The following PPP2R3A variants were observed in gnomAD, a reference collection of about 807,000 sequenced individuals.
PPP2R3A encodes the protein protein phosphatase 2 regulatory subunit B''alpha.
A neutral mutation model predicts 106.9 loss-of-function variants in PPP2R3A; 80 were observed. The ratio of observed to expected loss-of-function variants is 0.75; its 90% CI spans 0.62 to 0.90. The LOEUF is 0.90. PPP2R3A is among the 40% of genes least tolerant of loss of function. The pLI is 0.00. For synonymous variants in PPP2R3A, 483 were observed against 468.3 expected (o/e 1.03, Z -0.41); for missense variants, 1,386 against 1,350.4 (o/e 1.03, Z -0.41).
chr3:135,971,211 T>C (rs1268392864), intron 1 of PPP2R3A, among the ~76,000 whole-genome samples: 1 of 152,192 alleles, frequency 6.6e-6, no homozygotes, highest in Non-Finnish European at 1.5e-5. Flanking sequence ...GTATTTATCA[T>C]TGATGGTACC....
At chr3:136,072,730 ATAAACTAGTCCAAACTGTTGGAAT>A (rs1213598254) in intron 6 of PPP2R3A, among the ~76,000 whole-genome samples, 2 of 152,248 alleles carry the variant, frequency 1.3e-5, no homozygotes, top group African/African-American at 4.8e-5. Flanking sequence ...GATCTTAGAA[ATAAACTAGTCCAAACTGTTGGAAT>A]TAAACTAGTC....
At chr3:135,990,007 C>T (rs1933087783) in intron 1 of PPP2R3A, among the ~76,000 whole-genome samples, 1 of 152,122 alleles carries the variant, frequency 6.6e-6, no homozygotes, top group Non-Finnish European at 1.5e-5. Flanking sequence ...TTTGTAATTT[C>T]TCTGGTATCA....
chr3:135,966,502 G>GGCC (rs923346529), intron 1 of PPP2R3A, among the ~76,000 whole-genome samples: 15 of 152,058 alleles, frequency 9.9e-5, no homozygotes, highest in Middle Eastern at 3.2e-3. Context: ...GCGCCGACCT[G>GGCC]GCCGCCGCCG....
Position 136,002,493 on chromosome 3 carries a change from C to T in PPP2R3A, c.995C>T (p.Pro332Leu). 1 of 1,614,126 alleles carries T rather than the reference C, an allele frequency of 6.2e-7. No homozygotes were observed. Among genetic ancestry groups the T allele is most frequent in the Non-Finnish European group, 8.5e-7 (1 of 1,179,984 alleles). The change falls in exon 2 of 14, where the codon CCT (proline) becomes CTT (leucine). Residue 332 changes from proline to leucine, a missense_variant. Coordinates refer to ENST00000264977, the MANE Select transcript of PPP2R3A (RefSeq NM_002718.5). ...CCAGTGTTTGGCACTGAACAACCCC[C>T]TAAATATGAAGATGTTGTCCAGCTC... ...FSPVFGTEQP[P>L]KYEDVVQLSA... is the part of the protein sequence containing the mutation.
intron 13 of PPP2R3A, among the ~76,000 whole-genome samples, chr3:136,133,186 T>C (rs1298384917): frequency 2.6e-5 from 4 of 152,074 alleles, no homozygotes; most frequent in Non-Finnish European, 5.9e-5. Context: ...TTAAAAACGA[T>C]TGCTCTTCAG....
chr3:136,062,753 T>C (rs1936120529), intron 5 of PPP2R3A, among the ~76,000 whole-genome samples: 1 of 150,516 alleles, frequency 6.6e-6, no homozygotes, highest in Non-Finnish European at 1.5e-5. Flanking sequence ...AACAAGGCTA[T>C]GATGAAGCCT....
At chr3:136,139,465 G>A (rs562986143) in intron 13 of PPP2R3A, among the ~76,000 whole-genome samples, 2 of 151,936 alleles carry the variant, frequency 1.3e-5, no homozygotes, top group Admixed American at 6.6e-5. Flanking sequence ...GGAGGCCGAG[G>A]GGGGGGATCA....
chr3:136,142,852 C>T (rs771689949), intron 13 of PPP2R3A, among the ~76,000 whole-genome samples: 66 of 152,324 alleles, frequency 4.3e-4, no homozygotes, highest in Admixed American at 7.2e-4. Flanking sequence ...AGCTTACAGA[C>T]AACACGTTAG....
chr3:136,119,598 A>G (rs1937913143), intron 13 of PPP2R3A, among the ~76,000 whole-genome samples: 1 of 152,128 alleles, frequency 6.6e-6, no homozygotes, highest in South Asian at 2.1e-4. Flanking sequence ...GCCAACAAAC[A>G]TATGAAAAAA....
intron 2 of PPP2R3A, among the ~76,000 whole-genome samples, chr3:136,015,697 G>A (rs1049406918): frequency 1.2e-4 from 18 of 151,262 alleles, no homozygotes; most frequent in Admixed American, 7.2e-4. Context: ...TATTTGGATC[G>A]TCTCTCTTCT....
chr3:136,070,541 T>C lies in PPP2R3A; in HGVS notation c.2533T>C (p.Tyr845His). Residue 845 changes from tyrosine to histidine, a missense_variant, in exon 6 of 14, where the codon TAC becomes CAC. Physicochemically the swap from Tyr to His is moderately conservative, Grantham distance 83 (BLOSUM62 2). Coordinates refer to ENST00000264977, the MANE Select transcript of PPP2R3A (RefSeq NM_002718.5). ...LKDAPEFHSR[Y>H]ITTVIQRIFY... is the part of the protein sequence containing the mutation. The stretch of plus-strand genomic sequence containing the variant: ...AGATGCTCCAGAATTCCACTCCCGC[T>C]ACATCACCACGGTAGGCTGAGTCAT... 2 of 1,610,376 alleles carry C rather than the reference T, an allele frequency of 1.2e-6. No homozygotes were observed. Among genetic ancestry groups the C allele is most frequent in the Non-Finnish European group, 1.7e-6 (2 of 1,178,554 alleles).
chr3:136,062,384 G>C (rs1481730089), intron 5 of PPP2R3A, among the ~76,000 whole-genome samples: 1 of 152,072 alleles, frequency 6.6e-6, no homozygotes, highest in Non-Finnish European at 1.5e-5. Context: ...TCTCCATGAT[G>C]GGGGAGAGGG....
chr3:136,079,058 T>C (rs546637643), intron 7 of PPP2R3A: 28 of 338,294 alleles, frequency 8.3e-5, no homozygotes, highest in South Asian at 6.2e-4. Flanking sequence ...GAAAATGAAA[T>C]GTTTTATTTT....
chr3:136,066,672 C>T (rs1204215619), intron 5 of PPP2R3A, among the ~76,000 whole-genome samples: 3 of 152,000 alleles, frequency 2.0e-5, no homozygotes, highest in Non-Finnish European at 4.4e-5. Context: ...AGAGCAGGAG[C>T]AAGGTGTGGG....
At chr3:136,123,172 A>T (rs1340672103) in intron 13 of PPP2R3A, among the ~76,000 whole-genome samples, 1 of 152,180 alleles carries the variant, frequency 6.6e-6, no homozygotes, top group African/African-American at 2.4e-5. Flanking sequence ...AGGACACAGA[A>T]TAGCAATGAG....
At chr3:135,978,067 C>G (rs577867759) in intron 1 of PPP2R3A, among the ~76,000 whole-genome samples, 1 of 152,126 alleles carries the variant, frequency 6.6e-6, no homozygotes, top group East Asian at 1.9e-4. Flanking sequence ...TAAAGGAAGC[C>G]AGGTGAAGGG....
intron 13 of PPP2R3A, among the ~76,000 whole-genome samples, chr3:136,129,269 T>G (rs1326794626): frequency 6.6e-6 from 1 of 150,570 alleles, no homozygotes; most frequent in East Asian, 1.9e-4. Context: ...TTGATACACC[T>G]CTACCAAGAC....
At chr3:136,058,816 A>G (rs1935972206) in intron 5 of PPP2R3A, among the ~76,000 whole-genome samples, 1 of 152,236 alleles carries the variant, frequency 6.6e-6, no homozygotes, top group African/African-American at 2.4e-5. Flanking sequence ...CCAATGGAAC[A>G]GAATAGAGAA....
chr3:135,985,374 T>TCTCTC (rs1937596280), intron 1 of PPP2R3A, among the ~76,000 whole-genome samples: 2 of 134,974 alleles, frequency 1.5e-5, no homozygotes, highest in African/African-American at 5.7e-5. Context: ...CTCTCTCCCT[T>TCTCTC]CCTCTCTCCC....
Sources: allele counts gnomAD v4.1 joint callset (sites outside exome capture counted in the v4.1 genomes callset), GRCh38; gene constraint gnomAD v4.1.1; transcripts MANE v1.5; gene names NCBI Gene and HGNC (gene_info 2026-07-23, HGNC 2026-07-21).